PTPRE: variants seen among roughly 807,000 people sequenced by gnomAD.
PTPRE encodes the protein receptor-type tyrosine-protein phosphatase epsilon.
In PTPRE, 51 loss-of-function variants were observed where a neutral mutation model predicts 102.0. That is an observed-to-expected ratio of 0.50 (90% confidence interval 0.40 to 0.63). The LOEUF (loss-of-function observed/expected upper bound fraction) is 0.63. PTPRE is among the 30% of genes least tolerant of loss of function. The pLI, the probability that PTPRE is intolerant of heterozygous loss-of-function variation, is 0.00. For missense variants in PTPRE, 752 were observed against 915.1 expected (o/e 0.82, Z 2.30); for synonymous variants, 345 against 348.2 (o/e 0.99, Z 0.10).
At chr10:127,935,323 AC>A (rs1479311925) in intron 1 of PTPRE, among the ~76,000 whole-genome samples, 1 of 152,028 alleles carries the variant, frequency 6.6e-6, no homozygotes, top group Non-Finnish European at 1.5e-5. Flanking sequence ...ACCAAAATCA[AC>A]CCCGGGGCAT....
At position 127,907,301 on chromosome 10, in the gene PTPRE, C is replaced by A. The variant is rs1002628601; in HGVS notation, c.-39C>A. 1.5e-5 allele frequency: 15 copies of A among 984,600 alleles called. No individual in the cohort carries two copies. Among genetic ancestry groups the A allele is most frequent in the Non-Finnish European group, 1.8e-5 (15 of 829,706 alleles). The allele number at this position is 984,600 out of a possible 1,614,324, so 61.0% of individuals were successfully genotyped here. On this transcript the variant is annotated 5_prime_UTR_variant, in exon 1 of 21. Coordinates refer to ENST00000254667, the MANE Select transcript of PTPRE (RefSeq NM_006504.6). The surrounding 1 kb of genome is among the most constrained non-coding windows in gnomAD (Gnocchi z 4.8). ...GCGCGATCTGCGCGACCAGACCGGC[C>A]CCCCCGAGGTGAGCGCGCGTGCGGA...
chr10:127,996,349 C>A (rs1853264564), intron 2 of PTPRE, among the ~76,000 whole-genome samples: 1 of 152,196 alleles, frequency 6.6e-6, no homozygotes, highest in Admixed American at 6.5e-5. Context: ...GAAATAAACA[C>A]CTAAGAGAGG....
chr10:127,971,692 G>A (rs1193492612), intron 1 of PTPRE, among the ~76,000 whole-genome samples: 1 of 152,242 alleles, frequency 6.6e-6, no homozygotes, highest in Non-Finnish European at 1.5e-5. Context: ...GCGATTTGCA[G>A]TTTAGTTTAA....
At chr10:127,953,957 G>T (rs1250387534) in intron 1 of PTPRE, among the ~76,000 whole-genome samples, 1 of 152,210 alleles carries the variant, frequency 6.6e-6, no homozygotes, top group Non-Finnish European at 1.5e-5. Context: ...GAAGGAACAT[G>T]ATTAGAAAAT....
At chr10:128,021,514 C>A (rs1041554360) in intron 2 of PTPRE, among the ~76,000 whole-genome samples, 2 of 152,244 alleles carry the variant, frequency 1.3e-5, no homozygotes, top group Non-Finnish European at 2.9e-5. Context: ...CACCGCCATG[C>A]TCCCCAGAAC....
intron 1 of PTPRE, among the ~76,000 whole-genome samples, chr10:127,962,966 G>T (rs1163769644): frequency 6.6e-6 from 1 of 152,186 alleles, no homozygotes; most frequent in Non-Finnish European, 1.5e-5. Flanking sequence ...AAGTTGGGGT[G>T]CCCTTGGATT....
intron 1 of PTPRE, among the ~76,000 whole-genome samples, chr10:127,982,023 A>G (rs74770010): frequency 1.3e-5 from 2 of 152,266 alleles, no homozygotes; most frequent in African/African-American, 4.8e-5. Flanking sequence ...CTTGGGGGCT[A>G]GGTCAGTGGC....
intron 1 of PTPRE, among the ~76,000 whole-genome samples, chr10:127,979,746 C>T (rs141953837): frequency 6.6e-6 from 1 of 152,196 alleles, no homozygotes; most frequent in African/African-American, 2.4e-5. Context: ...GTCAATCGTG[C>T]AACCATTGGC....
intron 2 of PTPRE, chr10:127,998,222 G>C (rs892520260): frequency 6.6e-6 from 1 of 152,200 alleles, no homozygotes. Context: ...GAAAATGAAC[G>C]AGACGGGGAG....
In PTPRE at chr10:127,907,459, C is replaced by T; in HGVS notation, c.-31+150C>T. The T allele has an allele frequency of 2.0e-6, 1 of 490,680 alleles. No individual in the cohort carries two copies. The highest frequency in any genetic ancestry group is 2.6e-6 in the Non-Finnish European group (1 of 378,502). The allele number at this position is 490,680 out of a possible 1,614,324, so 30.4% of individuals were successfully genotyped here. A position where few individuals can be genotyped will look rare whatever the true frequency, so the allele number is the denominator to read the frequency against. On this transcript the variant is annotated intron_variant, in intron 1 of 20. Transcript: ENST00000254667. The surrounding 1 kb of genome is among the most constrained non-coding windows in gnomAD (Gnocchi z 4.8). ...GAGTCCGGACCCCGGCCCCGCCGCC[C>T]CCGCGGCGCGCCCAGTACCAGCGGC...
chr10:128,020,293 A>G (rs1015927117), intron 2 of PTPRE, among the ~76,000 whole-genome samples: 7 of 152,234 alleles, frequency 4.6e-5, no homozygotes, highest in East Asian at 3.8e-4. Context: ...TTCTGTCTCA[A>G]GTGGTACATC....
Position 128,076,482 on chromosome 10 carries a change from T to TA in PTPRE, c.1600-121_1600-120insA, listed in dbSNP as rs112718390. On this transcript the variant is annotated intron_variant, in intron 17 of 20. Transcript: ENST00000254667. ...GGCATTTATATTCATATTCATATGT[T>TA]TTTTTTTTTGGTCAGATGAAATACA... is the stretch of plus-strand genomic sequence containing the variant. The TA allele has an allele frequency of 3.0e-3, 3,084 of 1,015,528 alleles. 43 individuals are homozygous for TA. The African/African-American group carries it at 0.037, about 12-fold the overall frequency. The allele number at this position is 1,015,528 out of a possible 1,614,324, so 62.9% of individuals were successfully genotyped here.
chr10:127,992,286 G>T (rs1037337385), intron 2 of PTPRE, among the ~76,000 whole-genome samples: 8 of 152,134 alleles, frequency 5.3e-5, no homozygotes, highest in African/African-American at 1.4e-4. Context: ...AACCACGTGG[G>T]GGTCAGCAGG....
intron 2 of PTPRE, among the ~76,000 whole-genome samples, chr10:128,020,022 C>CTGTGTGTGTGTG (rs34036600): frequency 6.6e-6 from 1 of 150,696 alleles, no homozygotes; most frequent in African/African-American, 2.4e-5. Context: ...AGGGTGGAGG[C>CTGTGTGTGTGTG]TGTGTGTGTG....
intron 2 of PTPRE, among the ~76,000 whole-genome samples, chr10:128,000,339 C>G (rs1034559994): frequency 6.6e-6 from 1 of 152,158 alleles, no homozygotes; most frequent in Non-Finnish European, 1.5e-5. Context: ...TGGACCCGCA[C>G]CCTTCAACTA....
chr10:127,960,756 G>A (rs1849734634), intron 1 of PTPRE, among the ~76,000 whole-genome samples: 1 of 152,192 alleles, frequency 6.6e-6, no homozygotes, highest in Non-Finnish European at 1.5e-5. Context: ...GGGCGCGGTG[G>A]CTCACGCCTG....
intron 1 of PTPRE, among the ~76,000 whole-genome samples, chr10:127,947,704 G>A (rs562858880): frequency 6.6e-6 from 1 of 152,260 alleles, no homozygotes; most frequent in East Asian, 1.9e-4. Flanking sequence ...GGTTGCCAGG[G>A]CATCACCTGT....
intron 1 of PTPRE, among the ~76,000 whole-genome samples, chr10:127,978,609 G>A (rs1851371885): frequency 6.6e-6 from 1 of 152,096 alleles, no homozygotes; most frequent in Non-Finnish European, 1.5e-5. Flanking sequence ...GGCTTCCTCC[G>A]GGAGGCCTAG....
intron 1 of PTPRE, among the ~76,000 whole-genome samples, chr10:127,963,916 G>C (rs1850037063): frequency 6.6e-6 from 1 of 152,184 alleles, no homozygotes; most frequent in African/African-American, 2.4e-5. Context: ...TTGACCCTCT[G>C]TGCCTGAGAT....
Sources: allele counts gnomAD v4.1 joint callset (sites outside exome capture counted in the v4.1 genomes callset), GRCh38; gene constraint gnomAD v4.1.1; non-coding constraint Gnocchi (gnomAD v3.1); transcripts MANE v1.5; gene names NCBI Gene and HGNC (gene_info 2026-07-23, HGNC 2026-07-21).